WHR1: variants seen among roughly 807,000 people sequenced by gnomAD.
WHR1 encodes the protein winged helix repair factor 1.
the WHR1 span, among the ~76,000 whole-genome samples, chr6:31,975,201 C>CT: frequency 4.2e-3 from 580 of 136,896 alleles, 3 homozygotes; most frequent in Middle Eastern, 0.011. Context: ...TTAGTTTTCC[C>CT]TTTTTTTTTT....
At chr6:31,971,606 G>A in the WHR1 span, 3 of 1,613,360 alleles carry the variant, frequency 1.9e-6, no homozygotes, top group Non-Finnish European at 2.5e-6. The surrounding 1 kb of genome is among the most constrained non-coding windows in gnomAD (Gnocchi z 4.5). Context: ...GGTGCTGGAC[G>A]AGGTAGTTTG....
chr6:31,976,768 G>A, the WHR1 span, among the ~76,000 whole-genome samples: 1 of 152,262 alleles, frequency 6.6e-6, no homozygotes, highest in Non-Finnish European at 1.5e-5. Context: ...AGCACTGAGT[G>A]AACCAGACAC....
the WHR1 span, chr6:31,972,014 T>C: frequency 3.7e-6 from 6 of 1,605,714 alleles, no homozygotes; most frequent in African/African-American, 8.0e-5. The surrounding 1 kb of genome is among the most constrained non-coding windows in gnomAD (Gnocchi z 6.3). Flanking sequence ...AGTGGTTTTC[T>C]GCTTTCGATG....
chr6:31,977,345 T>A, the WHR1 span, among the ~76,000 whole-genome samples: 1 of 147,636 alleles, frequency 6.8e-6, no homozygotes, highest in Non-Finnish European at 1.5e-5. Context: ...CTAATTTTTT[T>A]TTTTTTTTTT....
chr6:31,976,032 G>C, the WHR1 span, among the ~76,000 whole-genome samples: 13 of 149,766 alleles, frequency 8.7e-5, no homozygotes, highest in Admixed American at 2.6e-4. Context: ...GGCCGGGCGG[G>C]GGGGGCTGAC....
the WHR1 span, chr6:31,978,786 C>A: frequency 1.2e-6 from 1 of 838,766 alleles, no homozygotes; most frequent in East Asian, 2.7e-5. Flanking sequence ...TTTTCCTTTA[C>A]TAAGAGAAAA....
the WHR1 span, among the ~76,000 whole-genome samples, chr6:31,976,640 G>A: frequency 6.6e-6 from 1 of 152,112 alleles, no homozygotes; most frequent in South Asian, 2.1e-4. Flanking sequence ...CCCAGACGGG[G>A]TGGCGGCCGG....
the WHR1 span, chr6:31,972,205 G>A: frequency 5.0e-6 from 8 of 1,612,518 alleles, no homozygotes; most frequent in South Asian, 7.7e-5. This position sits in a 1 kb window ranked among gnomAD's most constrained non-coding sequence, Gnocchi z 6.3. Flanking sequence ...CGGCCTGGCG[G>A]AGGTGATGCT....
the WHR1 span, among the ~76,000 whole-genome samples, chr6:31,976,693 G>A: frequency 1.3e-5 from 2 of 152,238 alleles, no homozygotes; most frequent in Admixed American, 1.3e-4. Flanking sequence ...CAAGGCAGGC[G>A]GCTGGGAGGT....
the WHR1 span, chr6:31,979,705 G>T: frequency 2.0e-6 from 2 of 1,009,190 alleles, no homozygotes; most frequent in Non-Finnish European, 2.8e-6. Flanking sequence ...ACCCAAGTTT[G>T]TATTCCTCCC....
At chr6:31,979,794 AG>A in the WHR1 span, 1 of 489,666 alleles carries the variant, frequency 2.0e-6, no homozygotes, top group Non-Finnish European at 3.7e-6. Flanking sequence ...GCTTATCAAA[AG>A]CACACAGGGG....
At chr6:31,971,938 C>T in the WHR1 span, 448 of 1,550,716 alleles carry the variant, frequency 2.9e-4, 11 homozygotes, top group South Asian at 5.2e-3. This position sits in a 1 kb window ranked among gnomAD's most constrained non-coding sequence, Gnocchi z 4.5. Flanking sequence ...CCTCAAAGCT[C>T]CCCAACTTCC....
chr6:31,978,935 C>T, the WHR1 span: 95 of 1,612,458 alleles, frequency 5.9e-5, no homozygotes, highest in African/African-American at 3.6e-4. Context: ...AGATCAGAAT[C>T]GTCCAGCTGG....
chr6:31,971,454 G>C, the WHR1 span: 8 of 1,613,684 alleles, frequency 5.0e-6, no homozygotes, highest in Middle Eastern at 1.7e-4. The surrounding 1 kb of genome is among the most constrained non-coding windows in gnomAD (Gnocchi z 4.5). Flanking sequence ...GACCGTTAGT[G>C]GGGGGTGGGC....
the WHR1 span, chr6:31,980,645 C>A: frequency 8.5e-7 from 1 of 1,171,118 alleles, no homozygotes; most frequent in South Asian, 1.9e-5. Context: ...TGTGCCACTT[C>A]TCCTCTAGGG....
the WHR1 span, among the ~76,000 whole-genome samples, chr6:31,975,972 A>C: frequency 7.0e-6 from 1 of 143,396 alleles, no homozygotes; most frequent in Non-Finnish European, 1.5e-5. Context: ...CTCACTTCCC[A>C]GTAGGGGCGG....
At chr6:31,975,768 G>A in the WHR1 span, among the ~76,000 whole-genome samples, 3 of 151,286 alleles carry the variant, frequency 2.0e-5, no homozygotes, top group African/African-American at 7.3e-5. Context: ...CATTGTCATC[G>A]TGGCCCGTTC....
the WHR1 span, chr6:31,979,026 TG>T: frequency 2.5e-6 from 4 of 1,604,556 alleles, no homozygotes; most frequent in South Asian, 1.1e-5. Context: ...TCAGGGGTGC[TG>T]GGGGGAGGGC....
the WHR1 span, chr6:31,972,208 G>A: frequency 5.0e-6 from 8 of 1,612,458 alleles, no homozygotes; most frequent in East Asian, 2.2e-5. This position sits in a 1 kb window ranked among gnomAD's most constrained non-coding sequence, Gnocchi z 6.3. Flanking sequence ...CCTGGCGGAG[G>A]TGATGCTGGT....
Sources: allele counts gnomAD v4.1 joint callset (sites outside exome capture counted in the v4.1 genomes callset), GRCh38; gene constraint gnomAD v4.1.1; non-coding constraint Gnocchi (gnomAD v3.1); transcripts MANE v1.5; gene names NCBI Gene and HGNC (gene_info 2026-07-23, HGNC 2026-07-21).